The following SENP7 variants were observed in gnomAD, a reference collection of about 807,000 sequenced individuals.
The protein encoded by SENP7 is sentrin-specific protease 7.
Under a neutral mutation model 141.2 loss-of-function variants are expected in SENP7, and 64 were observed. That is an observed-to-expected ratio of 0.45 (90% CI 0.37 to 0.56). The LOEUF is 0.56. SENP7 is among the 20% of genes least tolerant of loss of function. The probability of loss-of-function intolerance (pLI) is 0.00; values close to 1 mark genes in which losing one functional copy is unlikely to be tolerated. For missense variants in SENP7, 1,025 were observed against 1,212.2 expected (o/e 0.85, Z 2.29); for synonymous variants, 382 against 426.4 (o/e 0.90, Z 1.28).
intron 5 of SENP7, among the ~76,000 whole-genome samples, chr3:101,405,020 G>T (rs1247296487): frequency 2.0e-5 from 3 of 152,146 alleles, no homozygotes; most frequent in Admixed American, 6.5e-5. Flanking sequence ...AACAAAAGGG[G>T]ATAATGGTGG....
At chr3:101,366,319 A>G in intron 9 of SENP7, 111 bp downstream of exon 9, 2 of 669,338 alleles carry the variant, frequency 3.0e-6, no homozygotes, top group East Asian at 2.9e-5. Context: ...ATATTCCACA[A>G]TGATGTCATA....
At chr3:101,460,646 A>C (rs995690191) in intron 3 of SENP7, among the ~76,000 whole-genome samples, 1 of 152,204 alleles carries the variant, frequency 6.6e-6, no homozygotes, top group Non-Finnish European at 1.5e-5. Context: ...TTTGGCAATG[A>C]CTTCACAGAT....
chr3:101,349,958 C>T (rs924248358), intron 12 of SENP7, among the ~76,000 whole-genome samples: 9 of 152,116 alleles, frequency 5.9e-5, no homozygotes, highest in African/African-American at 1.7e-4. Flanking sequence ...GTGGGCTTGA[C>T]TAGCTAGCTA....
In SENP7 at chr3:101,459,021, G is replaced by A. The variant is rs376914677; in HGVS notation, c.218C>T (p.Ser73Phe). ...ATGTTTTTTATTTTTATGGTCTAGAGAGATGACTTTATTCCTTAGGCTTCT... is the reference window on the plus strand; with the variant it reads ...ATGTTTTTTATTTTTATGGTCTAGAAAGATGACTTTATTCCTTAGGCTTCT... ...WERSLRNKVI[S>F]LDHKNKKHIR... The change falls in exon 4 of 24, where the codon TCT becomes TTT. Residue 73 changes from serine (S) to phenylalanine (F), a missense_variant. Around this residue, in one of 4 missense-constraint regions of SENP7, gnomAD observed 496 missense variants for 503.5 expected, o/e 0.99. Transcript: ENST00000394095. The A allele has an allele frequency of 7.5e-6, 12 of 1,604,428 alleles. No individual in the cohort carries two copies. The highest frequency in any genetic ancestry group is 1.0e-5 in the Non-Finnish European group (12 of 1,174,788).
At chr3:101,467,841 TG>T (rs1381577609) in intron 3 of SENP7, among the ~76,000 whole-genome samples, 1 of 152,178 alleles carries the variant, frequency 6.6e-6, no homozygotes, top group Non-Finnish European at 1.5e-5. Flanking sequence ...GGAACAAAGC[TG>T]GATGGAGAAT....
chr3:101,494,165 G>C (rs1329615251), intron 2 of SENP7, among the ~76,000 whole-genome samples, 197 bp from the exon 3 acceptor site: 2 of 152,168 alleles, frequency 1.3e-5, no homozygotes, highest in Non-Finnish European at 2.9e-5. Context: ...AAAGTCAAAT[G>C]AAAGTTGAAT....
intron 2 of SENP7, among the ~76,000 whole-genome samples, chr3:101,497,350 G>C (rs2065198627): frequency 6.6e-6 from 1 of 152,102 alleles, no homozygotes; most frequent in South Asian, 2.1e-4. Flanking sequence ...TGACATCCCA[G>C]TTGCAAGTAT....
intron 6 of SENP7, among the ~76,000 whole-genome samples, chr3:101,383,255 C>T (rs771055937): frequency 1.1e-3 from 165 of 152,262 alleles, no homozygotes; most frequent in Non-Finnish European, 1.6e-3. Flanking sequence ...CTGCTTTCAC[C>T]ATGTGATGTG....
At chr3:101,402,736 A>C (rs546018232) in intron 5 of SENP7, among the ~76,000 whole-genome samples, 8 of 152,234 alleles carry the variant, frequency 5.3e-5, no homozygotes, top group African/African-American at 1.7e-4. Context: ...GAATCACTTA[A>C]CACCATCTTT....
chr3:101,335,902 C>T (rs981574999), intron 17 of SENP7, among the ~76,000 whole-genome samples: 3 of 152,186 alleles, frequency 2.0e-5, no homozygotes, highest in African/African-American at 4.8e-5. Context: ...CTGATCCTCG[C>T]AGGTCTTGTC....
At chr3:101,397,641 A>G (rs2061007841) in intron 6 of SENP7, among the ~76,000 whole-genome samples, 1 of 152,274 alleles carries the variant, frequency 6.6e-6, no homozygotes, top group African/African-American at 2.4e-5. Flanking sequence ...TCAAGAATTC[A>G]TAGAAAATAA....
intron 8 of SENP7, among the ~76,000 whole-genome samples, chr3:101,367,270 A>G (rs1317829045): frequency 6.6e-6 from 1 of 152,158 alleles, no homozygotes; most frequent in African/African-American, 2.4e-5. Flanking sequence ...CAAGGTCCTG[A>G]AATGATTTAT....
At chr3:101,396,330 T>C (rs2060967461) in intron 6 of SENP7, among the ~76,000 whole-genome samples, 1 of 152,238 alleles carries the variant, frequency 6.6e-6, no homozygotes, top group South Asian at 2.1e-4. Context: ...CAGATTACAA[T>C]TTGATTGTTT....
chr3:101,509,588 C>A (rs1216068304), intron 1 of SENP7, among the ~76,000 whole-genome samples: 1 of 152,206 alleles, frequency 6.6e-6, no homozygotes, highest in Non-Finnish European at 1.5e-5. Context: ...GTGGGCAATT[C>A]CATTCATTCC....
intron 3 of SENP7, among the ~76,000 whole-genome samples, chr3:101,487,892 G>A (rs1576501825): frequency 6.6e-6 from 1 of 152,164 alleles, no homozygotes; most frequent in Non-Finnish European, 1.5e-5. Context: ...GTCAGGTACT[G>A]TGATGCCTCC....
At chr3:101,419,312 G>A in intron 4 of SENP7, among the ~76,000 whole-genome samples, 1 of 152,182 alleles carries the variant, frequency 6.6e-6, no homozygotes, top group East Asian at 1.9e-4. Flanking sequence ...ACCATATTAA[G>A]GATGTGAGAC....
At chr3:101,394,366 C>T (rs1233725408) in intron 6 of SENP7, among the ~76,000 whole-genome samples, 2 of 152,080 alleles carry the variant, frequency 1.3e-5, no homozygotes, top group African/African-American at 4.8e-5. Context: ...TAAGTTGATT[C>T]TGTATCTTTG....
At chr3:101,463,364 A>AATATATATATATATATATATATAT (rs71625265) in intron 3 of SENP7, among the ~76,000 whole-genome samples, 14 of 89,200 alleles carry the variant, frequency 1.6e-4, no homozygotes, top group Non-Finnish European at 2.0e-4. Context: ...TAAATAAATA[A>AATATATATATATATATATATATAT]ATATATATAT....
chr3:101,433,840 C>T (rs1018404725), intron 4 of SENP7, among the ~76,000 whole-genome samples: 8 of 152,164 alleles, frequency 5.3e-5, no homozygotes, highest in African/African-American at 1.4e-4. Flanking sequence ...CAGCACCCCA[C>T]TTTCAGCACT....
Sources: gnomAD v4.1 joint callset for allele counts (sites outside exome capture counted in the v4.1 genomes callset) on GRCh38, gnomAD v4.1.1 for gene constraint, gnomAD v4.1.1 regional missense constraint, MANE v1.5 for transcripts, NCBI Gene and HGNC (gene_info 2026-07-23, HGNC 2026-07-21) for gene names.